The following TMEM132B variants were observed in gnomAD, a reference collection of about 807,000 sequenced individuals.
TMEM132B encodes the protein transmembrane protein 132B.
TMEM132B carries 18 observed loss-of-function variants against 90.8 expected under a neutral mutation model. That is an observed-to-expected ratio of 0.20 (90% CI 0.14 to 0.29). The LOEUF (loss-of-function observed/expected upper bound fraction) is 0.29, where lower values mean the gene tolerates loss of function less well. Ranked by LOEUF, TMEM132B falls within the 10% of genes least tolerant of loss-of-function variation. The pLI is 1.00. For missense variants in TMEM132B, 1,096 were observed against 1,326.8 expected, an observed-to-expected ratio of 0.83 and a Z score of 2.70; for synonymous variants, 504 against 523.3, an observed-to-expected ratio of 0.96 and a Z score of 0.50.
chr12:125,474,287 C>G (rs1329484821), intron 3 of TMEM132B, among the ~76,000 whole-genome samples: 14 of 146,236 alleles, frequency 9.6e-5, no homozygotes, highest in Admixed American at 8.2e-4. Flanking sequence ...CTCCCCTCCC[C>G]TTCCCTTCCC....
chr12:125,570,514 A>G (rs1592999142), intron 4 of TMEM132B, among the ~76,000 whole-genome samples: 1 of 152,226 alleles, frequency 6.6e-6, no homozygotes, highest in Non-Finnish European at 1.5e-5. Flanking sequence ...TAACAGAGTC[A>G]CATTTTATTG....
intron 1 of TMEM132B, among the ~76,000 whole-genome samples, chr12:125,286,905 G>A (rs1875372827): frequency 6.6e-6 from 1 of 151,970 alleles, no homozygotes; most frequent in East Asian, 1.9e-4. Context: ...GTTTCACCAT[G>A]TTGGCCAGAC....
Position 125,415,655 on chromosome 12 carries a change from C to T in TMEM132B, c.1084C>T (p.His362Tyr). 1 of 1,614,156 alleles carries T rather than the reference C, an allele frequency of 6.2e-7. No individual in the cohort carries two copies. The highest frequency in any genetic ancestry group is 8.5e-7 in the Non-Finnish European group (1 of 1,180,026). Residue 362 changes from histidine (H) to tyrosine (Y), a missense_variant, in exon 3 of 9, where the codon CAT (histidine) becomes TAT (tyrosine). Physicochemically the swap from His to Tyr is moderately conservative, Grantham distance 83. Coordinates refer to ENST00000682704, the MANE Select transcript of TMEM132B (RefSeq NM_001366854.1). This position sits in a 1 kb window ranked among gnomAD's most constrained non-coding sequence, Gnocchi z 5.3. ...QTSATLTCMG[H>Y]RPDTQSRVNG... Reference sequence around the variant, plus strand: ...GTCGGCCACCCTCACCTGCATGGGCCATCGCCCGGACACGCAGAGCAGGTA... The same window carrying T: ...GTCGGCCACCCTCACCTGCATGGGCTATCGCCCGGACACGCAGAGCAGGTA...
chr12:125,574,443 T>C (rs1346691866), intron 4 of TMEM132B, among the ~76,000 whole-genome samples: 1 of 152,194 alleles, frequency 6.6e-6, no homozygotes, highest in African/African-American at 2.4e-5. Context: ...GTTGCTGCTA[T>C]CTTTCCTTTG....
chr12:125,237,509 C>T (rs532352970), intron 1 of TMEM132B, among the ~76,000 whole-genome samples: 12 of 152,276 alleles, frequency 7.9e-5, no homozygotes, highest in African/African-American at 9.6e-5. Context: ...AGTGCAGTGG[C>T]GTGATCTCTG....
intron 3 of TMEM132B, among the ~76,000 whole-genome samples, chr12:125,450,106 TTC>T (rs1346010238): frequency 6.6e-6 from 1 of 152,330 alleles, no homozygotes; most frequent in African/African-American, 2.4e-5. Context: ...TTTAGCTCTG[TTC>T]AGTAGAAGGG....
intron 2 of TMEM132B, among the ~76,000 whole-genome samples, chr12:125,409,138 CT>C (rs1314455219): frequency 6.6e-6 from 1 of 152,128 alleles, no homozygotes; most frequent in Non-Finnish European, 1.5e-5. Flanking sequence ...AGCCTGCTGC[CT>C]TTACTGCAGT....
In TMEM132B at chr12:125,468,182, C is replaced by T. The variant is rs570460001; in HGVS notation, c.1107-51257C>T. Reference sequence around the variant, plus strand: ...CTATGTTTAACTTTTTGAGGAACCACCAAATTGTTTTCTGCAGGGCTGCAC... The same window carrying T: ...CTATGTTTAACTTTTTGAGGAACCATCAAATTGTTTTCTGCAGGGCTGCAC... On this transcript the variant is annotated intron_variant, in intron 3 of 8. Coordinates refer to ENST00000682704, the MANE Select transcript of TMEM132B (RefSeq NM_001366854.1). Among the ~76,000 whole-genome samples, 4 of 151,884 alleles carry T rather than the reference C, an allele frequency of 2.6e-5. 1 individual carries two copies. Among genetic ancestry groups the T allele is most frequent in the East Asian group, 4.2e-4 (2 of 4,808 alleles).
chr12:125,627,778 T>C (rs192790589), intron 5 of TMEM132B, among the ~76,000 whole-genome samples: 3 of 152,234 alleles, frequency 2.0e-5, no homozygotes, highest in Admixed American at 6.5e-5. Context: ...TTCTATCATT[T>C]TGTATCCATT....
At chr12:125,206,540 A>AGGTGT in intron 1 of TMEM132B, among the ~76,000 whole-genome samples, 2 of 152,046 alleles carry the variant, frequency 1.3e-5, no homozygotes, top group African/African-American at 4.8e-5. Context: ...CCCTGGTCTG[A>AGGTGT]TTGATATAAA....
At chr12:125,619,869 C>G (rs1593026294) in intron 5 of TMEM132B, among the ~76,000 whole-genome samples, 1 of 152,166 alleles carries the variant, frequency 6.6e-6, no homozygotes, top group Non-Finnish European at 1.5e-5. Context: ...GAAAGGGAGG[C>G]TTCTGTGGCC....
chr12:125,378,457 G>A (rs1413947913), intron 2 of TMEM132B, among the ~76,000 whole-genome samples: 2 of 152,234 alleles, frequency 1.3e-5, no homozygotes, highest in Admixed American at 1.3e-4. Flanking sequence ...GGAGGTAGCT[G>A]TTCTCTGGGC....
intron 1 of TMEM132B, among the ~76,000 whole-genome samples, chr12:125,190,445 G>T (rs1186182005): frequency 7.0e-6 from 1 of 143,230 alleles, no homozygotes; most frequent in Non-Finnish European, 1.5e-5. Context: ...GTGATGGGAA[G>T]GGGTGGTGAT....
intron 2 of TMEM132B, among the ~76,000 whole-genome samples, chr12:125,401,828 A>AT (rs59931403): frequency 0.16 from 24,316 of 151,688 alleles, 2,488 homozygotes; most frequent in African/African-American, 0.29. Context: ...CTTGATTGGG[A>AT]TTTTTTTTTC....
chr12:125,264,308 A>T (rs141804659), intron 1 of TMEM132B, among the ~76,000 whole-genome samples: 190 of 152,308 alleles, frequency 1.2e-3, no homozygotes, highest in African/African-American at 4.4e-3. Context: ...CAAGATCCTT[A>T]ACCTAATCAC....
intron 1 of TMEM132B, among the ~76,000 whole-genome samples, chr12:125,257,180 C>T (rs1052020952): frequency 6.6e-6 from 1 of 152,098 alleles, no homozygotes; most frequent in Non-Finnish European, 1.5e-5. Flanking sequence ...GGGATGTTCG[C>T]CTATAGTCCC....
At chr12:125,218,483 G>T (rs1214467881) in intron 1 of TMEM132B, among the ~76,000 whole-genome samples, 1 of 152,074 alleles carries the variant, frequency 6.6e-6, no homozygotes, top group Non-Finnish European at 1.5e-5. Context: ...TTCCAGTGCA[G>T]AAATGAAATC....
At chr12:125,523,960 C>T (rs552044380) in intron 4 of TMEM132B, among the ~76,000 whole-genome samples, 7 of 152,300 alleles carry the variant, frequency 4.6e-5, no homozygotes, top group African/African-American at 1.7e-4. Context: ...GCATCCTCAT[C>T]CCCAGGGGGG....
intron 2 of TMEM132B, among the ~76,000 whole-genome samples, chr12:125,411,206 G>A: frequency 6.7e-6 from 1 of 149,194 alleles, no homozygotes; most frequent in African/African-American, 2.5e-5. Flanking sequence ...GTGGAGTGGA[G>A]TGGTCAGGGA....
Sources: gnomAD v4.1 joint callset for allele counts (sites outside exome capture counted in the v4.1 genomes callset) on GRCh38, gnomAD v4.1.1 for gene constraint, Gnocchi (gnomAD v3.1) non-coding constraint, MANE v1.5 for transcripts, NCBI Gene and HGNC (gene_info 2026-07-23, HGNC 2026-07-21) for gene names.